The following HACL1 variants were observed in gnomAD, a reference collection of about 807,000 sequenced individuals.
HACL1 encodes the protein 1600020H07Rik.
HACL1 carries 64 observed loss-of-function variants against 74.2 expected under a neutral mutation model. That is an observed-to-expected ratio of 0.86 (90% CI 0.70 to 1.06). The LOEUF is 1.06. Among genes scored for constraint, HACL1 ranks in the 50% least tolerant of loss-of-function variants. The pLI, the probability that HACL1 is intolerant of heterozygous loss-of-function variation, is 0.00. For missense variants in HACL1, 728 were observed against 719.7 expected (o/e 1.01, Z -0.13); for synonymous variants, 230 against 238.8 (o/e 0.96, Z 0.34).
intron 3 of HACL1, among the ~76,000 whole-genome samples, chr3:15,594,900 C>G (rs1215388981): frequency 6.6e-6 from 1 of 152,154 alleles, no homozygotes; most frequent in African/African-American, 2.4e-5. Flanking sequence ...GAGGCCAAGG[C>G]CAGCAGATCA....
At chr3:15,591,240 T>A (rs1259388089) in intron 4 of HACL1, among the ~76,000 whole-genome samples, 1 of 152,232 alleles carries the variant, frequency 6.6e-6, no homozygotes, top group Non-Finnish European at 1.5e-5. Context: ...AACATATTCA[T>A]GTTACTTTTT....
intron 11 of HACL1, 112 bp from the exon 12 acceptor site, chr3:15,571,881 C>T (rs112720465): frequency 1.8e-6 from 1 of 549,468 alleles, no homozygotes; most frequent in Non-Finnish European, 3.1e-6. Flanking sequence ...GTTCTGTCAC[C>T]CAGGCTGGAG....
rs117837484 is a variant in HACL1 at position 15,573,862 on chromosome 3, G to A, written c.910-620C>T. On this transcript the variant is annotated intron_variant, in intron 10 of 16. Transcript: ENST00000321169. ...CATGGACAAATGATGGCTTCTGCAAGGAGGAATACTTTAGCCACCCCAAAG... is the reference window on the plus strand; with the variant it reads ...CATGGACAAATGATGGCTTCTGCAAAGAGGAATACTTTAGCCACCCCAAAG... Among the ~76,000 whole-genome samples the A allele has an allele frequency of 5.6e-4, 85 of 152,306 alleles. 2 individuals are homozygous for A. In the East Asian group the frequency reaches 7.3e-3, roughly 13 times the overall value.
chr3:15,598,016 G>GT lies in HACL1; in HGVS notation c.187-1593dup, dbSNP rs1417771240. 1.4e-4 allele frequency among the ~76,000 whole-genome samples: 21 copies of GT among 150,102 alleles called. 1 individual carries two copies. Among genetic ancestry groups the GT allele is most frequent in the African/African-American group, 4.7e-4 (19 of 40,768 alleles). Reference sequence around the variant, plus strand: ...GTTTTGTTTTGTTTTATTTTGTTTTGTTTTGTTTTTTTTTTTTGAGACAGA... The same window carrying GT: ...GTTTTGTTTTGTTTTATTTTGTTTTGTTTTTGTTTTTTTTTTTTGAGACAGA... On this transcript the variant is annotated intron_variant, in intron 2 of 16. Transcript: ENST00000321169.
intron 3 of HACL1, 177 bp downstream of exon 3, chr3:15,596,207 T>G: frequency 1.8e-6 from 1 of 571,350 alleles, no homozygotes. Context: ...TCTGAAACAC[T>G]TCTGGTATCA....
rs1488749297 is a variant in HACL1 at position 15,601,485 on chromosome 3, C to A, written c.-22G>T. 6.2e-7 allele frequency: 1 copy of A among 1,611,610 alleles called. No homozygotes were observed. Among genetic ancestry groups the A allele is most frequent in the Admixed American group, 1.7e-5 (1 of 60,022 alleles). On this transcript the variant is annotated 5_prime_UTR_variant, in exon 1 of 17. Transcript: ENST00000321169. ...GCATCTTCCACCGAAAAGCTCTAAG[C>A]ACTCACGCAGCCGGCAAACAAGCGG... is the stretch of plus-strand genomic sequence containing the variant.
Position 15,568,558 on chromosome 3 carries a change from A to T in HACL1, c.1124T>A (p.Met375Lys). ...KELASKKSLP[M>K]NYYTVFYHVQ... ...ATGGTAGAATACTGTGTAATAATTC[A>T]TAGGCAGGGATTTTTTAGAAGCTAG... is the stretch of plus-strand genomic sequence containing the variant. Residue 375 changes from methionine to lysine, a missense_variant, in exon 13 of 17, where the codon ATG becomes AAG. Met to Lys is a moderately conservative substitution (Grantham distance 95). Transcript: ENST00000321169. 6.4e-7 allele frequency: 1 copy of T among 1,565,330 alleles called. No homozygotes were observed. Among genetic ancestry groups the T allele is most frequent in the Non-Finnish European group, 8.7e-7 (1 of 1,146,434 alleles).
At chr3:15,579,825 C>T (rs760598737) in intron 9 of HACL1, 85 bp downstream of exon 9, 3 of 927,490 alleles carry the variant, frequency 3.2e-6, no homozygotes, top group Non-Finnish European at 4.9e-6. Flanking sequence ...TTTCAGAACT[C>T]CATCCTAGAT....
intron 5 of HACL1, among the ~76,000 whole-genome samples, chr3:15,589,326 G>C (rs1021300295): frequency 6.6e-6 from 1 of 151,452 alleles, no homozygotes; most frequent in Non-Finnish European, 1.5e-5. Flanking sequence ...GTGAAACCTC[G>C]TCTCTACAAA....
chr3:15,561,150 T>C (rs1460534253), intron 16 of HACL1, among the ~76,000 whole-genome samples: 1 of 152,164 alleles, frequency 6.6e-6, no homozygotes. Context: ...ACAAAAACTA[T>C]AGTCTAAAAG....
Position 15,568,512 on chromosome 3 carries a change from T to A in HACL1, c.1170A>T (p.Arg390Ser). The A allele has an allele frequency of 6.3e-7, 1 of 1,595,528 alleles. No homozygotes were observed. Among genetic ancestry groups the A allele is most frequent in the Non-Finnish European group, 8.6e-7 (1 of 1,163,278 alleles). Residue 390 changes from arginine to serine, a missense_variant, in exon 13 of 17, where the codon AGA (arginine) becomes AGT (serine). Physicochemically the swap from Arg to Ser is moderately radical, Grantham distance 110. Transcript: ENST00000321169. ...CTCCTTCACTTACCACGAAACAGTC[T>A]CTAGGTAGTTGTTCTTGAACATGGT... ...VFYHVQEQLP[R>S]DCFVVSEGAN...
chr3:15,598,197 T>C (rs1196120636), intron 2 of HACL1, among the ~76,000 whole-genome samples: 5 of 152,204 alleles, frequency 3.3e-5, no homozygotes, highest in South Asian at 4.1e-4. Context: ...GCTAATTTTA[T>C]ATTTTTAGAA....
Position 15,560,887 on chromosome 3 carries a change from C to T in HACL1, c.1715G>A (p.Trp572Ter). The T allele has an allele frequency of 6.2e-7, 1 of 1,605,698 alleles. No homozygotes were observed. Among genetic ancestry groups the T allele is most frequent in the Non-Finnish European group, 8.5e-7 (1 of 1,173,038 alleles). ...TATTTACATATTAGAGCGGGTCAGC[C>T]AATGAAAATCCTAGAAAAAGAAGAC... ...QATRKAQDFH[W>*]LTRSNM The change falls in exon 17 of 17, where the codon TGG becomes TAG. Residue 572 changes from tryptophan to a stop codon, truncating the protein, a stop_gained. Coordinates refer to ENST00000321169, the MANE Select transcript of HACL1 (RefSeq NM_012260.4). LOFTEE classifies it high-confidence loss of function.
intron 14 of HACL1, among the ~76,000 whole-genome samples, chr3:15,566,037 G>C (rs2063429054): frequency 6.6e-6 from 1 of 152,058 alleles, no homozygotes; most frequent in Non-Finnish European, 1.5e-5. Context: ...TTTATATCAG[G>C]GACTTACTTG....
intron 3 of HACL1, among the ~76,000 whole-genome samples, chr3:15,593,200 C>CGT (rs1284771480): frequency 6.2e-5 from 9 of 145,646 alleles, no homozygotes; most frequent in Admixed American, 3.4e-4. Context: ...TATATATGTG[C>CGT]GTGTGTGTAT....
intron 8 of HACL1, among the ~76,000 whole-genome samples, chr3:15,581,646 T>C (rs552699954): frequency 1.1e-4 from 17 of 152,344 alleles, no homozygotes; most frequent in Admixed American, 1.0e-3. Context: ...TGTTGTGTCA[T>C]CTCTTCTGGA....
At position 15,567,979 on chromosome 3, in the gene HACL1, G is replaced by C. The variant is rs749988678; in HGVS notation, c.1274C>G (p.Thr425Arg). 4 of 1,614,050 alleles carry C rather than the reference G, an allele frequency of 2.5e-6. No individual in the cohort carries two copies. In the South Asian group the frequency reaches 4.4e-5, roughly 18 times the overall value. Residue 425 changes from threonine (T) to arginine (R), a missense_variant, in exon 14 of 17, where the codon ACA (threonine) becomes AGA (arginine). Coordinates refer to ENST00000321169, the MANE Select transcript of HACL1 (RefSeq NM_012260.4). The part of the protein sequence containing the change: ...RHRLDAGTFG[T>R]MGVGLGFAIA... ...AGCAAATCCCAAACCAACTCCCATT[G>C]TTCCGAAAGTACCAGCATCAAGCCT...
At chr3:15,592,127 T>A (rs965824548) in intron 3 of HACL1, among the ~76,000 whole-genome samples, 1 of 148,986 alleles carries the variant, frequency 6.7e-6, no homozygotes, top group African/African-American at 2.5e-5. Flanking sequence ...TATATACGTA[T>A]ACATACGTGT....
intron 15 of HACL1, 105 bp from the exon 16 acceptor site, chr3:15,563,649 G>C (rs1380086397): frequency 1.9e-5 from 13 of 668,884 alleles, no homozygotes; most frequent in Admixed American, 5.8e-5. Context: ...TGAACTCAAA[G>C]GCATACTTTT....
Sources: gnomAD v4.1 joint callset for allele counts (sites outside exome capture counted in the v4.1 genomes callset) on GRCh38, gnomAD v4.1.1 for gene constraint, MANE v1.5 for transcripts, NCBI Gene and HGNC (gene_info 2026-07-23, HGNC 2026-07-21) for gene names.